Variants in LARP4B observed in about 807,000 individuals in gnomAD.
LARP4B encodes La ribonucleoprotein 4B.
LARP4B carries 12 observed loss-of-function variants against 89.8 expected under a neutral mutation model. The ratio of observed to expected loss-of-function variants is 0.13; its 90% CI spans 0.09 to 0.22. The LOEUF is 0.22. Ranked by LOEUF, LARP4B falls within the 10% of genes least tolerant of loss-of-function variation. The probability of loss-of-function intolerance (pLI) is 1.00; values close to 1 mark genes in which losing one functional copy is unlikely to be tolerated. For synonymous variants in LARP4B, 367 were observed against 363.3 expected (o/e 1.01, Z -0.12); for missense variants, 757 against 947.7 (o/e 0.80, Z 2.64).
chr10:819,363 G>A (rs1409325588), intron 14 of LARP4B: 2 of 152,248 alleles, frequency 1.3e-5, no homozygotes, highest in African/African-American at 4.8e-5. Context: ...TTGGAAGGCA[G>A]TGTTAAAATC....
chr10:897,665 A>C (rs190901320), intron 1 of LARP4B, among the ~76,000 whole-genome samples: 3 of 152,212 alleles, frequency 2.0e-5, no homozygotes, highest in Non-Finnish European at 4.4e-5. Context: ...CCTAAAACTT[A>C]TAATGAGACA....
chr10:906,536 G>C (rs1836497793), intron 1 of LARP4B, among the ~76,000 whole-genome samples: 1 of 152,112 alleles, frequency 6.6e-6, no homozygotes, highest in Admixed American at 6.6e-5. Context: ...CGTTGATCCT[G>C]GTGACAGGCC....
chr10:858,883 G>C (rs1220397171), intron 5 of LARP4B, among the ~76,000 whole-genome samples: 1 of 152,190 alleles, frequency 6.6e-6, no homozygotes, highest in Non-Finnish European at 1.5e-5. Flanking sequence ...TGGGCGCAGT[G>C]GCTCATGCCT....
chr10:985,929 G>T, the LARP4B span: 1 of 152,230 alleles, frequency 6.6e-6, no homozygotes, highest in African/African-American at 2.4e-5. Flanking sequence ...TTGGAAACAA[G>T]ATGTACACAA....
chr10:987,271 A>C, the LARP4B span: 1 of 152,266 alleles, frequency 6.6e-6, no homozygotes, highest in Admixed American at 6.5e-5. Flanking sequence ...CAAAAATGGA[A>C]GCATAGTTAA....
chr10:935,462 GA>G (rs1830737154), upstream of LARP4B, among the ~76,000 whole-genome samples: 1 of 152,116 alleles, frequency 6.6e-6, no homozygotes, highest in Non-Finnish European at 1.5e-5. Context: ...AAGTGTTTTA[GA>G]CAGTTGATTT....
chr10:952,504 C>T, the LARP4B span, among the ~76,000 whole-genome samples: 1,167 of 121,554 alleles, frequency 9.6e-3, 9 homozygotes, highest in African/African-American at 0.035. Context: ...AACTGCATAA[C>T]AGACAACCTT....
intron 3 of LARP4B, among the ~76,000 whole-genome samples, chr10:876,591 G>A (rs899311118): frequency 5.9e-5 from 9 of 152,126 alleles, no homozygotes; most frequent in South Asian, 2.1e-4. Flanking sequence ...AGCCCCACCC[G>A]ATGGCTTTGC....
At chr10:848,784 A>G (rs1564403683) in intron 5 of LARP4B, among the ~76,000 whole-genome samples, 1 of 152,164 alleles carries the variant, frequency 6.6e-6, no homozygotes, top group East Asian at 1.9e-4. Context: ...GCTCAAGTGT[A>G]ACAGCAGACC....
chr10:850,177 A>C (rs1241373753), intron 5 of LARP4B, among the ~76,000 whole-genome samples: 1 of 152,248 alleles, frequency 6.6e-6, no homozygotes, highest in Non-Finnish European at 1.5e-5. Flanking sequence ...ATTCTAAAAC[A>C]AATAGCAAGA....
intron 1 of LARP4B, among the ~76,000 whole-genome samples, chr10:888,979 GGAGGCTGGGA>G (rs1564432577): frequency 2.0e-5 from 3 of 152,092 alleles, no homozygotes; most frequent in African/African-American, 7.2e-5. Context: ...CAGCTCCTTC[GGAGGCTGGGA>G]TAGGAGGACC....
At chr10:832,457 G>C (rs193114836) in intron 8 of LARP4B, among the ~76,000 whole-genome samples, 425 of 152,312 alleles carry the variant, frequency 2.8e-3, no homozygotes, top group Non-Finnish European at 4.6e-3. Context: ...CTGAAGAAAA[G>C]GACAAAAGGC....
chr10:917,112 T>C (rs1015917908), intron 1 of LARP4B, among the ~76,000 whole-genome samples: 20 of 152,332 alleles, frequency 1.3e-4, no homozygotes, highest in South Asian at 4.1e-4. Context: ...GCTAACTCTG[T>C]ATATCAAGCA....
At chr10:893,178 T>G (rs1164201264) in intron 1 of LARP4B, among the ~76,000 whole-genome samples, 1 of 151,928 alleles carries the variant, frequency 6.6e-6, no homozygotes, top group Non-Finnish European at 1.5e-5. Flanking sequence ...CCTCCCAAAG[T>G]GCTGGGATTA....
intron 1 of LARP4B, among the ~76,000 whole-genome samples, chr10:918,543 A>T (rs1353689525): frequency 1.4e-5 from 2 of 148,002 alleles, no homozygotes; most frequent in Non-Finnish European, 3.0e-5. Flanking sequence ...CTGAGGAGGG[A>T]GGACCGCTTG....
chr10:896,909 T>C (rs1239543235), intron 1 of LARP4B, among the ~76,000 whole-genome samples: 2 of 152,040 alleles, frequency 1.3e-5, no homozygotes, highest in Admixed American at 1.3e-4. Flanking sequence ...GAAGACATGG[T>C]ATTTTTACAA....
At chr10:983,664 G>A in the LARP4B span, among the ~76,000 whole-genome samples, 1 of 152,066 alleles carries the variant, frequency 6.6e-6, no homozygotes, top group Non-Finnish European at 1.5e-5. Flanking sequence ...CTCCAGCCTC[G>A]TGACCTTTTC....
chr10:943,071 C>T, the LARP4B span, among the ~76,000 whole-genome samples: 1 of 151,826 alleles, frequency 6.6e-6, no homozygotes, highest in Non-Finnish European at 1.5e-5. Context: ...CTTGGCCTCC[C>T]AAGTAGCTGG....
In LARP4B at chr10:906,702, T is replaced by C. The variant is rs139870014; in HGVS notation, c.-39-20942A>G. Among the ~76,000 whole-genome samples the C allele has an allele frequency of 2.3e-3, 350 of 152,328 alleles. 2 individuals are homozygous for C. The highest frequency in any genetic ancestry group is 8.1e-3 in the African/African-American group (338 of 41,572). On this transcript the variant is annotated intron_variant, in intron 1 of 17. Transcript: ENST00000316157. The stretch of plus-strand genomic sequence containing the variant: ...TGAACACCTTATGATCCTGCAGAGT[T>C]CTCAAAATCAATTCCCTACTTCTCA...
Sources: allele counts gnomAD v4.1 joint callset (sites outside exome capture counted in the v4.1 genomes callset), GRCh38; gene constraint gnomAD v4.1.1; transcripts MANE v1.5; gene names NCBI Gene and HGNC (gene_info 2026-07-23, HGNC 2026-07-21).